HECTD4: variants seen among roughly 807,000 people sequenced by gnomAD.
HECTD4 encodes probable E3 ubiquitin-protein ligase HECTD4.
A neutral mutation model predicts 471.5 loss-of-function variants in HECTD4; 114 were observed. The observed-to-expected ratio is 0.24, with a 90% CI of 0.21 to 0.28. The LOEUF is 0.28. HECTD4 is among the 10% of genes least tolerant of loss of function. The probability of loss-of-function intolerance (pLI) is 1.00; values close to 1 mark genes in which losing one functional copy is unlikely to be tolerated. For missense variants in HECTD4, 3,866 were observed against 5,651.5 expected (o/e 0.68, Z 10.13); for synonymous variants, 2,012 against 2,256.0 (o/e 0.89, Z 3.07).
At chr12:112,307,313 T>C (rs2035287442) in intron 6 of HECTD4, among the ~76,000 whole-genome samples, 1 of 152,198 alleles carries the variant, frequency 6.6e-6, no homozygotes, top group Admixed American at 6.5e-5. Flanking sequence ...GAACCTACAG[T>C]GCCAGGAAGA....
chr12:112,242,203 A>C (rs1216553448), intron 32 of HECTD4, among the ~76,000 whole-genome samples: 1 of 152,242 alleles, frequency 6.6e-6, no homozygotes, highest in Non-Finnish European at 1.5e-5. Flanking sequence ...TGCAAAAACA[A>C]AACAAAGCAA....
intron 1 of HECTD4, among the ~76,000 whole-genome samples, chr12:112,335,826 AT>A (rs1216485689): frequency 6.6e-6 from 1 of 152,240 alleles, no homozygotes; most frequent in Admixed American, 6.5e-5. Context: ...GAAATAAAAA[AT>A]AAAAATAAAT....
At chr12:112,242,571 G>A (rs546498819) in intron 32 of HECTD4, among the ~76,000 whole-genome samples, 53 of 149,872 alleles carry the variant, frequency 3.5e-4, no homozygotes, top group African/African-American at 1.1e-3. Context: ...CCATGATCAC[G>A]TCATTGCATG....
intron 7 of HECTD4, among the ~76,000 whole-genome samples, chr12:112,299,714 C>T (rs563981043): frequency 7.9e-5 from 12 of 152,320 alleles, no homozygotes; most frequent in African/African-American, 2.9e-4. Context: ...CTTTCATATT[C>T]AAATTATCTC....
intron 1 of HECTD4, among the ~76,000 whole-genome samples, chr12:112,352,085 A>G (rs2036255495): frequency 6.6e-6 from 1 of 152,204 alleles, no homozygotes; most frequent in Non-Finnish European, 1.5e-5. Context: ...AACTTTTCCT[A>G]TTAAGAAGCT....
chr12:112,168,938 G>A (rs928943697), intron 70 of HECTD4, among the ~76,000 whole-genome samples: 1 of 152,196 alleles, frequency 6.6e-6, no homozygotes, highest in Non-Finnish European at 1.5e-5. Flanking sequence ...GTTCCCGTGG[G>A]GGCAGATCAG....
intron 1 of HECTD4, among the ~76,000 whole-genome samples, chr12:112,367,305 AAAAAGAAAGAAAG>A (rs1566126328): frequency 2.5e-5 from 3 of 121,178 alleles, no homozygotes. Flanking sequence ...TCTCAAAAAA[AAAAAGAAAGAAAG>A]AAAGAAAGAA....
chr12:112,244,648 G>C (rs1057145318), intron 29 of HECTD4, among the ~76,000 whole-genome samples: 10 of 152,200 alleles, frequency 6.6e-5, no homozygotes, highest in Non-Finnish European at 1.3e-4. Flanking sequence ...CAGGATTACA[G>C]GTGTGAGCTA....
At chr12:112,280,916 G>A (rs1170112022) in intron 8 of HECTD4, among the ~76,000 whole-genome samples, 2 of 148,994 alleles carry the variant, frequency 1.3e-5, no homozygotes, top group South Asian at 2.1e-4. Flanking sequence ...AGCCCCTCCC[G>A]AGTAGCTGAG....
intron 67 of HECTD4, 141 bp from the exon 68 acceptor site, chr12:112,171,404 T>G: frequency 7.3e-7 from 1 of 1,365,610 alleles, no homozygotes; most frequent in African/African-American, 1.5e-5. Flanking sequence ...TGTCAGTGAG[T>G]GAGCGGCCCC....
In HECTD4 at chr12:112,251,086, C is replaced by G. The variant is rs2033873317; in HGVS notation, c.3601G>C (p.Ala1201Pro). ...SGGLPFLVDL[A>P]LGLSVLACSM... ...CAAGCTAACACAGACAGACCTAAAG[C>G]CAGGTCTACCAGAAAGGGCAAGCCT... The change falls in exon 24 of 76, where the codon GCT becomes CCT. Residue 1201 changes from alanine (A) to proline (P), a missense_variant. Transcript: ENST00000682272. 1 of 1,613,990 alleles carries G rather than the reference C, an allele frequency of 6.2e-7. No individual in the cohort carries two copies. Among genetic ancestry groups the G allele is most frequent in the African/African-American group, 1.3e-5 (1 of 75,048 alleles).
At position 112,306,206 on chromosome 12, in the gene HECTD4, T is replaced by C. The variant is rs758099696; in HGVS notation, c.1193A>G (p.Asn398Ser). The change falls in exon 7 of 76, where the codon AAT becomes AGT. Residue 398 changes from asparagine to serine, a missense_variant. By Grantham distance (46) the Asn-to-Ser change is conservative. Coordinates refer to ENST00000682272, the MANE Select transcript of HECTD4 (RefSeq NM_001388303.1). ...QVCQVVPMPA[N>S]HLPIGSTMST... ...CATGGTGCTGCCAATGGGGAGGTGATTGGCTGGCATTGGCACCACCTGGCA... is the reference window on the plus strand; with the variant it reads ...CATGGTGCTGCCAATGGGGAGGTGACTGGCTGGCATTGGCACCACCTGGCA... 34 of 1,581,016 alleles carry C rather than the reference T, an allele frequency of 2.2e-5. No homozygotes were observed. Among genetic ancestry groups the C allele is most frequent in the African/African-American group, 2.7e-5 (2 of 73,722 alleles).
At chr12:112,326,499 A>C (rs964824063) in intron 1 of HECTD4, among the ~76,000 whole-genome samples, 3 of 152,110 alleles carry the variant, frequency 2.0e-5, no homozygotes, top group African/African-American at 7.2e-5. Context: ...TCTCAAAAAC[A>C]AAAACAAAAA....
chr12:112,285,818 T>C (rs551488022), intron 7 of HECTD4, among the ~76,000 whole-genome samples: 1 of 152,078 alleles, frequency 6.6e-6, no homozygotes, highest in Admixed American at 6.6e-5. Flanking sequence ...CAGCCTCCTG[T>C]CACCTAAAAT....
At chr12:112,199,763 C>T (rs776916761) in intron 55 of HECTD4, among the ~76,000 whole-genome samples, 1 of 152,192 alleles carries the variant, frequency 6.6e-6, no homozygotes, top group African/African-American at 2.4e-5. Flanking sequence ...AGCACTCAAG[C>T]AATACCTGAT....
At chr12:112,170,664 C>T in intron 68 of HECTD4, 1 of 560,058 alleles carries the variant, frequency 1.8e-6, no homozygotes, top group Non-Finnish European at 3.1e-6. Context: ...AGAAACAATG[C>T]AAACAAACTA....
In HECTD4 at chr12:112,185,330, C is replaced by T. The variant is rs537552758; in HGVS notation, c.9636G>A (p.Leu3212=). Residue 3212 remains leucine, a synonymous_variant, in exon 61 of 76, where the codon CTG becomes CTA. Coordinates refer to ENST00000682272, the MANE Select transcript of HECTD4 (RefSeq NM_001388303.1). ...ALQLNPCLAM[L]MALQSELHKL... ...TGTGGAGCTCCGACTGCAAGGCCAT[C>T]AGCATGGCCAGGCAGGGGTTCAGCT... is the stretch of plus-strand genomic sequence containing the variant. 1 of 1,590,300 alleles carries T rather than the reference C, an allele frequency of 6.3e-7. No homozygotes were observed. Among genetic ancestry groups the T allele is most frequent in the East Asian group, 2.3e-5 (1 of 43,708 alleles).
chr12:112,340,435 G>A (rs1023522985), intron 1 of HECTD4, among the ~76,000 whole-genome samples: 1 of 152,186 alleles, frequency 6.6e-6, no homozygotes, highest in African/African-American at 2.4e-5. Context: ...CTAAAGCCTA[G>A]ACCAGGAGCT....
At position 112,163,788 on chromosome 12, in the gene HECTD4, G is replaced by C; in HGVS notation, c.12702-51C>G. 7.2e-7 allele frequency: 1 copy of C among 1,392,162 alleles called. No homozygotes were observed. The allele number at this position is 1,392,162 out of a possible 1,614,324, so 86.2% of individuals were successfully genotyped here. A position where few individuals can be genotyped will look rare whatever the true frequency, so the allele number is the denominator to read the frequency against. The stretch of plus-strand genomic sequence containing the variant: ...GGGAGAACACCGCCGAAGAGGCTGG[G>C]TCTGGGGGCCACACCCACTCAGCTG... On this transcript the variant is annotated intron_variant, in intron 73 of 75. Coordinates refer to ENST00000682272, the MANE Select transcript of HECTD4 (RefSeq NM_001388303.1). This position sits in a 1 kb window ranked among gnomAD's most constrained non-coding sequence, Gnocchi z 8.2.
Sources: gnomAD v4.1 joint callset for allele counts (sites outside exome capture counted in the v4.1 genomes callset) on GRCh38, gnomAD v4.1.1 for gene constraint, Gnocchi (gnomAD v3.1) non-coding constraint, MANE v1.5 for transcripts, NCBI Gene and HGNC (gene_info 2026-07-23, HGNC 2026-07-21) for gene names.